FMN2: variants seen among roughly 807,000 people sequenced by gnomAD.
FMN2 encodes the protein formin-2.
Under a neutral mutation model 142.3 loss-of-function variants are expected in FMN2, and 51 were observed. The observed-to-expected ratio is 0.36, with a 90% CI of 0.29 to 0.45. FMN2 has a LOEUF of 0.45. FMN2 is among the 20% of genes least tolerant of loss of function. FMN2 has a pLI of 1.00. For synonymous variants in FMN2, 882 were observed against 869.8 expected (o/e 1.01, Z -0.25); for missense variants, 1,936 against 2,122.8 (o/e 0.91, Z 1.73).
At chr1:240,191,192 G>A (rs1007620967) in intron 4 of FMN2, among the ~76,000 whole-genome samples, 1 of 152,228 alleles carries the variant, frequency 6.6e-6, no homozygotes, top group African/African-American at 2.4e-5. Context: ...TCAGACACCT[G>A]TTCTCTCAAT....
At chr1:240,335,747 C>A (rs1258625269) in intron 13 of FMN2, among the ~76,000 whole-genome samples, 4 of 152,118 alleles carry the variant, frequency 2.6e-5, no homozygotes, top group Non-Finnish European at 5.9e-5. Flanking sequence ...CAACTTCTTA[C>A]TATAGGCATT....
intron 6 of FMN2, among the ~76,000 whole-genome samples, chr1:240,226,153 C>T (rs577112926): frequency 6.6e-6 from 1 of 152,218 alleles, no homozygotes; most frequent in South Asian, 2.1e-4. Flanking sequence ...CTGAAAACTT[C>T]TCAACTTTAT....
At chr1:240,144,902 T>C (rs2103259869) in intron 2 of FMN2, 3 of 1,369,132 alleles carry the variant, frequency 2.2e-6, no homozygotes, top group East Asian at 4.6e-5. Flanking sequence ...GTGCCTGATA[T>C]ACTCATGACT....
At chr1:240,170,763 TG>T (rs1664669213) in intron 2 of FMN2, 1 of 1,330,614 alleles carries the variant, frequency 7.5e-7, no homozygotes, top group Non-Finnish European at 1.1e-6. Context: ...GGGCCGTCTT[TG>T]GCCTGGGAGG....
At chr1:240,201,715 TTC>T (rs1348048119) in intron 4 of FMN2, among the ~76,000 whole-genome samples, 1 of 152,192 alleles carries the variant, frequency 6.6e-6, no homozygotes, top group Non-Finnish European at 1.5e-5. Context: ...AATTTTTAAT[TTC>T]TTTTTTATGG....
chr1:240,141,473 T>C (rs1329725805), intron 2 of FMN2, among the ~76,000 whole-genome samples: 1 of 152,070 alleles, frequency 6.6e-6, no homozygotes, highest in Non-Finnish European at 1.5e-5. Context: ...GTTCTAGTGA[T>C]TCTCCTACCT....
chr1:240,441,185 G>C (rs1675604173), intron 16 of FMN2, among the ~76,000 whole-genome samples: 1 of 151,842 alleles, frequency 6.6e-6, no homozygotes, highest in South Asian at 2.1e-4. Flanking sequence ...AGTAGAGATG[G>C]GGTTTCACCA....
At chr1:240,361,884 AC>A (rs1380147045) in intron 14 of FMN2, among the ~76,000 whole-genome samples, 2 of 152,214 alleles carry the variant, frequency 1.3e-5, no homozygotes, top group Admixed American at 1.3e-4. Context: ...ACAGAGGAAA[AC>A]CAGGTGTTAG....
At chr1:240,226,809 GACACACACAC>G (rs35315482) in intron 6 of FMN2, among the ~76,000 whole-genome samples, 9 of 149,546 alleles carry the variant, frequency 6.0e-5, no homozygotes, top group Admixed American at 1.3e-4. Context: ...ACACTTTAGT[GACACACACAC>G]ACACACACAC....
chr1:240,246,903 C>T (rs1050097682), intron 6 of FMN2, among the ~76,000 whole-genome samples: 6 of 152,174 alleles, frequency 3.9e-5, no homozygotes, highest in African/African-American at 1.4e-4. Context: ...CGTTTTGCCT[C>T]AGTTCTGAGA....
rs762613873 is a variant in FMN2, at chr1:240,230,776, CT to C, written c.4065+19542del. ...TAACATTTTGTGTACTTAATTACCC[CT>C]GTAAGTAAAGCTTTTCATAATTAGG... On this transcript the variant is annotated intron_variant, in intron 6 of 17. Coordinates refer to ENST00000319653, the MANE Select transcript of FMN2 (RefSeq NM_020066.5). 8.3e-5 allele frequency among the ~76,000 whole-genome samples: 11 copies of C among 131,816 alleles called. 2 individuals are homozygous for C. Among genetic ancestry groups the C allele is most frequent in the African/African-American group, 2.6e-4 (8 of 30,806 alleles). 86.5% of individuals were successfully genotyped at this position (131,816 alleles called of 152,430 possible). A position where few individuals can be genotyped will look rare whatever the true frequency, so the allele number is the denominator to read the frequency against.
intron 2 of FMN2, chr1:240,170,740 C>T: frequency 6.8e-7 from 1 of 1,475,306 alleles, no homozygotes; most frequent in Non-Finnish European, 9.4e-7. Context: ...CAAGGTGGGG[C>T]CTGGCTCTGT....
chr1:240,357,521 T>G (rs546149998), intron 14 of FMN2, among the ~76,000 whole-genome samples: 80 of 152,294 alleles, frequency 5.3e-4, no homozygotes, highest in African/African-American at 1.9e-3. Context: ...TTAGGATTTG[T>G]CTAGTAGTTC....
In FMN2 at chr1:240,189,123, G is replaced by GT. The variant is rs796591910; in HGVS notation, c.1986+870dup. 8.2e-3 allele frequency among the ~76,000 whole-genome samples: 1,219 copies of GT among 149,088 alleles called. 21 individuals carry two copies. Among genetic ancestry groups the GT allele is most frequent in the African/African-American group, 0.027 (1,096 of 40,392 alleles). On this transcript the variant is annotated intron_variant, in intron 4 of 17. Transcript: ENST00000319653. ...TTACCAAAGAAGCCAAATTTTGTGG[G>GT]TTTTTTTTTCTTACGCTAAAATGCA...
At chr1:240,143,897 T>C (rs534896782) in intron 2 of FMN2, 2 of 1,581,594 alleles carry the variant, frequency 1.3e-6, no homozygotes, top group East Asian at 4.5e-5. Context: ...GACATCTTCA[T>C]GATTTGAGCC....
chr1:240,302,958 G>T (rs1276760272), intron 8 of FMN2, among the ~76,000 whole-genome samples: 1 of 151,562 alleles, frequency 6.6e-6, no homozygotes, highest in Non-Finnish European at 1.5e-5. Context: ...TAAAAATAGG[G>T]TTATATTACC....
At chr1:240,271,102 T>TTTTG (rs1478033496) in intron 7 of FMN2, among the ~76,000 whole-genome samples, 2 of 142,070 alleles carry the variant, frequency 1.4e-5, no homozygotes, top group Non-Finnish European at 3.0e-5. Flanking sequence ...ACGATGGTTT[T>TTTTG]TTTTTTTTTT....
At chr1:240,444,124 A>G (rs1249316513) in intron 16 of FMN2, among the ~76,000 whole-genome samples, 1 of 152,174 alleles carries the variant, frequency 6.6e-6, no homozygotes, top group Non-Finnish European at 1.5e-5. Flanking sequence ...TTTCAGGATG[A>G]GTGTTCAGCT....
intron 14 of FMN2, among the ~76,000 whole-genome samples, chr1:240,367,707 G>A (rs896684461): frequency 2.1e-5 from 3 of 144,820 alleles, no homozygotes; most frequent in Non-Finnish European, 3.0e-5. Flanking sequence ...GGCAGAGGTT[G>A]CAGTGAGCCG....
Sources: gnomAD v4.1 joint callset for allele counts (sites outside exome capture counted in the v4.1 genomes callset) on GRCh38, gnomAD v4.1.1 for gene constraint, MANE v1.5 for transcripts, NCBI Gene and HGNC (gene_info 2026-07-23, HGNC 2026-07-21) for gene names.